The following OPCML variants were observed in gnomAD, a reference collection of about 807,000 sequenced individuals.
The protein encoded by OPCML is opioid binding protein/cell adhesion molecule like, also known as opioid-binding protein/cell adhesion molecule.
In OPCML, 13 loss-of-function variants were observed where a neutral mutation model predicts 37.8. That is an observed-to-expected ratio of 0.34 (90% confidence interval 0.22 to 0.55). The LOEUF is 0.55. Among genes scored for constraint, OPCML ranks in the 20% least tolerant of loss-of-function variants. OPCML has a pLI of 0.91. For missense variants in OPCML, 341 were observed against 435.6 expected (o/e 0.78, Z 1.93); for synonymous variants, 176 against 168.8 (o/e 1.04, Z -0.33).
At chr11:132,959,578 A>G (rs1337614642) in intron 1 of OPCML, among the ~76,000 whole-genome samples, 1 of 152,202 alleles carries the variant, frequency 6.6e-6, no homozygotes, top group Non-Finnish European at 1.5e-5. Flanking sequence ...ATTAGATGGC[A>G]CAGAGAGTGG....
chr11:133,416,051 A>T (rs1945756216), intron 1 of OPCML, among the ~76,000 whole-genome samples: 3 of 152,218 alleles, frequency 2.0e-5, no homozygotes, highest in Admixed American at 2.0e-4. Flanking sequence ...AGCCAGACCC[A>T]TACGAGACTT....
intron 2 of OPCML, among the ~76,000 whole-genome samples, chr11:132,671,768 C>T (rs567129642): frequency 6.7e-6 from 1 of 150,254 alleles, no homozygotes; most frequent in South Asian, 2.1e-4. Flanking sequence ...TAGGGAAAGT[C>T]GAGTTTCCTT....
chr11:133,413,292 C>T (rs898907353), intron 1 of OPCML, among the ~76,000 whole-genome samples: 6 of 144,194 alleles, frequency 4.2e-5, no homozygotes, highest in African/African-American at 1.6e-4. Context: ...ATCACATGGA[C>T]ACAGGAAGGG....
In OPCML at chr11:133,267,658, A is replaced by G. The variant is rs190782043; in HGVS notation, c.61+264606T>C. On this transcript the variant is annotated intron_variant, in intron 1 of 7. Coordinates refer to ENST00000524381, the MANE Select transcript of OPCML (RefSeq NM_001012393.5). ...CCTGACATGGTTTTTCTGTGTCCCT[A>G]CCCAAATCTCATCTGGAATTGTAGC... 1.5e-3 allele frequency among the ~76,000 whole-genome samples: 225 copies of G among 152,168 alleles called. 5 individuals are homozygous for G. The highest frequency in any genetic ancestry group is 0.01 in the Middle Eastern group (3 of 294).
At chr11:132,700,392 AT>A (rs1011278800) in intron 2 of OPCML, among the ~76,000 whole-genome samples, 87 of 151,112 alleles carry the variant, frequency 5.8e-4, no homozygotes, top group African/African-American at 2.0e-3. Context: ...CTTATCTGAG[AT>A]TTTTTTCCCT....
intron 1 of OPCML, among the ~76,000 whole-genome samples, chr11:133,352,898 T>G (rs190513264): frequency 6.6e-6 from 1 of 152,228 alleles, no homozygotes; most frequent in East Asian, 1.9e-4. Context: ...AAACTCTTTG[T>G]GCTTCTGTTT....
chr11:133,071,206 A>G lies in OPCML; in HGVS notation c.62-128196T>C, dbSNP rs529094692. Among the ~76,000 whole-genome samples the G allele has an allele frequency of 1.4e-4, 22 of 152,326 alleles. No homozygotes were observed. In the South Asian group the frequency reaches 4.3e-3, roughly 30 times the overall value. ...CTTTGCCCTATCCAAGCTCAGTGAG[A>G]TAGATGTGGACAGGCGAAGCCTCTG... On this transcript the variant is annotated intron_variant, in intron 1 of 7. Transcript: ENST00000524381.
intron 1 of OPCML, among the ~76,000 whole-genome samples, chr11:133,502,389 G>A (rs1011853619): frequency 5.3e-5 from 8 of 152,174 alleles, no homozygotes; most frequent in African/African-American, 1.2e-4. Context: ...TGCTGTTCTC[G>A]TACACCCCAG....
At chr11:132,958,055 T>C (rs1354685729) in intron 1 of OPCML, among the ~76,000 whole-genome samples, 2 of 152,218 alleles carry the variant, frequency 1.3e-5, no homozygotes, top group East Asian at 1.9e-4. Flanking sequence ...AAAGCCAAGA[T>C]AGGCTGAAAA....
At chr11:133,119,552 T>C (rs1592019356) in intron 1 of OPCML, among the ~76,000 whole-genome samples, 1 of 151,992 alleles carries the variant, frequency 6.6e-6, no homozygotes, top group East Asian at 1.9e-4. Flanking sequence ...TACTTGAATA[T>C]AAACAAAACC....
At chr11:132,729,440 T>C (rs889577086) in intron 2 of OPCML, among the ~76,000 whole-genome samples, 8 of 152,176 alleles carry the variant, frequency 5.3e-5, no homozygotes, top group Non-Finnish European at 1.2e-4. Context: ...TTAAACGGGC[T>C]GGTCAAACTT....
intron 1 of OPCML, chr11:133,118,354 G>T (rs1476967779): frequency 1.3e-5 from 13 of 985,262 alleles, no homozygotes; most frequent in Admixed American, 6.1e-5. Context: ...GGACATGCCG[G>T]TTGTTTAACG....
At chr11:133,116,724 A>G (rs1949339099) in intron 1 of OPCML, among the ~76,000 whole-genome samples, 2 of 151,786 alleles carry the variant, frequency 1.3e-5, no homozygotes, top group African/African-American at 4.9e-5. Flanking sequence ...AGCATCTGGG[A>G]AGTTTCTAGT....
chr11:132,752,269 A>AT (rs1195347549), intron 2 of OPCML, among the ~76,000 whole-genome samples: 4 of 152,218 alleles, frequency 2.6e-5, no homozygotes, highest in African/African-American at 7.2e-5. Context: ...AATAAAAAAA[A>AT]AAAATTAAAA....
intron 2 of OPCML, among the ~76,000 whole-genome samples, chr11:132,710,782 G>A (rs184181459): frequency 9.3e-4 from 142 of 152,250 alleles, no homozygotes; most frequent in Non-Finnish European, 1.6e-3. Context: ...TTGAACATGG[G>A]AGGTGGAGGT....
At chr11:132,815,448 G>A (rs1206703493) in intron 2 of OPCML, among the ~76,000 whole-genome samples, 3 of 152,228 alleles carry the variant, frequency 2.0e-5, no homozygotes, top group African/African-American at 4.8e-5. Flanking sequence ...TTCAATGGGT[G>A]CCCTTCGCTC....
intron 3 of OPCML, among the ~76,000 whole-genome samples, chr11:132,576,706 A>C (rs553702867): frequency 6.6e-6 from 1 of 152,096 alleles, no homozygotes; most frequent in African/African-American, 2.4e-5. Flanking sequence ...TGGTGTCTGC[A>C]TATTAGATTG....
chr11:133,445,551 G>T (rs1946457288), intron 1 of OPCML, among the ~76,000 whole-genome samples: 1 of 152,214 alleles, frequency 6.6e-6, no homozygotes, highest in Non-Finnish European at 1.5e-5. Context: ...AGCAAATGCT[G>T]CTGCTGTTGT....
chr11:132,648,331 G>T (rs1345733807), intron 3 of OPCML, among the ~76,000 whole-genome samples: 1 of 152,234 alleles, frequency 6.6e-6, no homozygotes, highest in Admixed American at 6.5e-5. Context: ...TGGAGGTATT[G>T]GCAGACAGGT....
Sources: allele counts gnomAD v4.1 joint callset (sites outside exome capture counted in the v4.1 genomes callset), GRCh38; gene constraint gnomAD v4.1.1; transcripts MANE v1.5; gene names NCBI Gene and HGNC (gene_info 2026-07-23, HGNC 2026-07-21).